Variants in NRXN3 observed in about 807,000 individuals in gnomAD.
NRXN3 encodes the protein neurexin 3.
In NRXN3, 32 loss-of-function variants were observed where a neutral mutation model predicts 137.6. That is an observed-to-expected ratio of 0.23 (90% confidence interval 0.18 to 0.31). The LOEUF is 0.31. Among genes scored for constraint, NRXN3 ranks in the 10% least tolerant of loss-of-function variants. NRXN3 has a pLI of 1.00. For missense variants in NRXN3, 1,574 were observed against 2,062.5 expected (o/e 0.76, Z 4.59); for synonymous variants, 798 against 784.5 (o/e 1.02, Z -0.29).
intron 10 of NRXN3, among the ~76,000 whole-genome samples, chr14:78,908,864 A>T (rs561395561): frequency 9.8e-5 from 15 of 152,304 alleles, no homozygotes; most frequent in African/African-American, 3.6e-4. Context: ...TTAGCAGTTT[A>T]TAAGTAGAAA....
At position 78,837,009 on chromosome 14, in the gene NRXN3, T is replaced by G. The variant is rs185625577; in HGVS notation, c.2275+26665T>G. ...GAGTCTGTGAAGGCAGTGTTCAAGT[T>G]CACTTGTTAACCCACATCGCCACCT... On this transcript the variant is annotated intron_variant, in intron 10 of 20. Transcript: ENST00000335750. 1.7e-3 allele frequency among the ~76,000 whole-genome samples: 255 copies of G among 152,242 alleles called. 1 individual carries two copies. The highest frequency in any genetic ancestry group is 5.5e-3 in the African/African-American group (230 of 41,538).
At chr14:79,731,897 T>G (rs902877937) in intron 19 of NRXN3, among the ~76,000 whole-genome samples, 6 of 152,042 alleles carry the variant, frequency 3.9e-5, no homozygotes, top group African/African-American at 1.4e-4. Flanking sequence ...TCACTTACTG[T>G]AGCCAGATTT....
intron 15 of NRXN3, among the ~76,000 whole-genome samples, chr14:79,022,212 C>A (rs772069968): frequency 6.6e-6 from 1 of 152,096 alleles, no homozygotes; most frequent in Non-Finnish European, 1.5e-5. Context: ...AAAAGTAGGG[C>A]AGTAGATACT....
Position 78,364,564 on chromosome 14 carries a change from T to G in NRXN3, c.757+66704T>G, listed in dbSNP as rs181720427. On this transcript the variant is annotated intron_variant, in intron 4 of 20. Coordinates refer to ENST00000335750, the MANE Select transcript of NRXN3 (RefSeq NM_001330195.2). ...TTTTCAAATAATCTGATGTCAGATG[T>G]ATACATGTGTCAGATGGATACATGT... is the stretch of plus-strand genomic sequence containing the variant. Among the ~76,000 whole-genome samples, 15 of 152,302 alleles carry G rather than the reference T, an allele frequency of 9.8e-5. No individual in the cohort carries two copies. The East Asian group carries it at 1.4e-3, about 14-fold the overall frequency.
chr14:79,314,740 C>T lies in NRXN3; in HGVS notation c.3263-152481C>T, dbSNP rs1022018780. Among the ~76,000 whole-genome samples the T allele has an allele frequency of 2.0e-5, 3 of 147,086 alleles. No individual in the cohort carries two copies. In the East Asian group the frequency reaches 6.2e-4, roughly 30 times the overall value. Reference sequence around the variant, plus strand: ...TCTGAGGACGGGCAGACTGCCTCCTCAAGTGGGTCCCTGACCCCTGACCCC... The same window carrying T: ...TCTGAGGACGGGCAGACTGCCTCCTTAAGTGGGTCCCTGACCCCTGACCCC... On this transcript the variant is annotated intron_variant, in intron 15 of 20. Transcript: ENST00000335750.
chr14:79,539,221 A>G (rs559860304), intron 16 of NRXN3, among the ~76,000 whole-genome samples: 1 of 152,014 alleles, frequency 6.6e-6, no homozygotes, highest in African/African-American at 2.4e-5. Context: ...TTTAGCAGAG[A>G]CTGGGTTTCA....
chr14:79,633,719 G>A (rs542553659), intron 16 of NRXN3, among the ~76,000 whole-genome samples: 96 of 152,312 alleles, frequency 6.3e-4, no homozygotes, highest in African/African-American at 1.8e-3. Context: ...TGAGATGAGA[G>A]AAACCAACAA....
At chr14:79,231,902 G>T (rs2072275003) in intron 15 of NRXN3, among the ~76,000 whole-genome samples, 1 of 152,084 alleles carries the variant, frequency 6.6e-6, no homozygotes, top group Non-Finnish European at 1.5e-5. Flanking sequence ...TGAGGTCTAG[G>T]GGGTGATAGG....
rs554946476 is a variant in NRXN3 at position 78,741,586 on chromosome 14, A to G, written c.2044+26447A>G. Among the ~76,000 whole-genome samples, 4 of 152,338 alleles carry G rather than the reference A, an allele frequency of 2.6e-5. No homozygotes were observed. In the South Asian group the frequency reaches 8.3e-4, roughly 32 times the overall value. On this transcript the variant is annotated intron_variant, in intron 8 of 20. Coordinates refer to ENST00000335750, the MANE Select transcript of NRXN3 (RefSeq NM_001330195.2). ...ACAACTTGATGAGTTTGAGAAAAGT[A>G]CGTACTCATGAAAAGCATATGTTCA...
chr14:78,180,467 A>C (rs1172363729), intron 1 of NRXN3, among the ~76,000 whole-genome samples: 1 of 152,188 alleles, frequency 6.6e-6, no homozygotes, highest in East Asian at 1.9e-4. Context: ...AGTTGGGAGG[A>C]TTCAGTGAAT....
intron 19 of NRXN3, among the ~76,000 whole-genome samples, chr14:79,774,419 T>G (rs1372382937): frequency 6.6e-6 from 1 of 152,186 alleles, no homozygotes; most frequent in Non-Finnish European, 1.5e-5. Context: ...TTCCCTCTCA[T>G]TTCTATATAA....
At chr14:79,712,315 C>T (rs1352196565) in intron 19 of NRXN3, among the ~76,000 whole-genome samples, 1 of 152,184 alleles carries the variant, frequency 6.6e-6, no homozygotes, top group African/African-American at 2.4e-5. Context: ...CATGCTCTCC[C>T]TGCCCTACAA....
At chr14:78,463,151 C>T (rs1326851733) in intron 4 of NRXN3, among the ~76,000 whole-genome samples, 1 of 152,074 alleles carries the variant, frequency 6.6e-6, no homozygotes, top group Non-Finnish European at 1.5e-5. Flanking sequence ...TCTCCAGTGC[C>T]ATCTATATTG....
chr14:78,418,012 C>T (rs1288919800), intron 4 of NRXN3, among the ~76,000 whole-genome samples: 1 of 152,180 alleles, frequency 6.6e-6, no homozygotes, highest in Non-Finnish European at 1.5e-5. Flanking sequence ...CCATCTCAGC[C>T]TCCCAAAGTG....
intron 18 of NRXN3, among the ~76,000 whole-genome samples, chr14:79,693,065 G>A (rs962273393): frequency 6.6e-6 from 1 of 152,024 alleles, no homozygotes; most frequent in African/African-American, 2.4e-5. Flanking sequence ...GTTAATAAAA[G>A]AGGGCAGCGG....
At chr14:78,645,652 C>A (rs921933571) in intron 5 of NRXN3, among the ~76,000 whole-genome samples, 7 of 150,318 alleles carry the variant, frequency 4.7e-5, no homozygotes, top group South Asian at 2.1e-4. Context: ...AAAAAAAAAA[C>A]AACTCAGTTG....
intron 15 of NRXN3, among the ~76,000 whole-genome samples, chr14:79,269,890 G>A (rs905798393): frequency 2.0e-5 from 3 of 152,092 alleles, no homozygotes; most frequent in Admixed American, 6.5e-5. Flanking sequence ...AAAAAATGAA[G>A]TCCTAGTACA....
intron 16 of NRXN3, among the ~76,000 whole-genome samples, chr14:79,657,167 C>G (rs537989136): frequency 1.9e-4 from 29 of 152,252 alleles, no homozygotes; most frequent in African/African-American, 6.5e-4. Flanking sequence ...ATTACTGTTG[C>G]TCTTGTCTTC....
intron 15 of NRXN3, among the ~76,000 whole-genome samples, chr14:79,059,940 T>C (rs2099672144): frequency 6.6e-6 from 1 of 152,196 alleles, no homozygotes; most frequent in Admixed American, 6.5e-5. Context: ...CCAGGAAACT[T>C]ATTTTACTTG....
Sources: allele counts gnomAD v4.1 joint callset (sites outside exome capture counted in the v4.1 genomes callset), GRCh38; gene constraint gnomAD v4.1.1; transcripts MANE v1.5; gene names NCBI Gene and HGNC (gene_info 2026-07-23, HGNC 2026-07-21).